FAM222B: variants seen among roughly 807,000 people sequenced by gnomAD.
FAM222B encodes the protein family with sequence similarity 222 member B, also known as protein FAM222B.
In FAM222B, 12 loss-of-function variants were observed where a neutral mutation model predicts 38.0. That is an observed-to-expected ratio of 0.32 (90% CI 0.20 to 0.51). The LOEUF is 0.51. Ranked by LOEUF, FAM222B falls within the 20% of genes least tolerant of loss-of-function variation. FAM222B has a pLI of 0.97. For missense variants in FAM222B, 716 were observed against 754.2 expected (o/e 0.95, Z 0.59); for synonymous variants, 329 against 317.2 (o/e 1.04, Z -0.40).
chr17:28,801,799 C>A (rs2037243537), intron 1 of FAM222B, among the ~76,000 whole-genome samples: 1 of 151,938 alleles, frequency 6.6e-6, no homozygotes, highest in Admixed American at 6.6e-5. Context: ...CTATCCTTTA[C>A]ATAATAAGAA....
At chr17:28,770,990 G>C (rs977936391) in intron 1 of FAM222B, among the ~76,000 whole-genome samples, 2 of 150,670 alleles carry the variant, frequency 1.3e-5, no homozygotes, top group African/African-American at 4.9e-5. Context: ...ATATATATGT[G>C]TGTGTATATA....
At position 28,758,600 on chromosome 17, in the gene FAM222B, C is replaced by T; in HGVS notation, c.1359G>A (p.Leu453=). The change falls in exon 3 of 3, where the codon CTG becomes CTA. Residue 453 remains leucine, a synonymous_variant. Transcript: ENST00000581407. ...AYPNGHYFQP[L]WNNILPTPNS... ...TGGGAGTGGGCAGAATGTTGTTCCA[C>T]AGGGGTTGGAAGTAGTGACCATTGG... 6.2e-7 allele frequency: 1 copy of T among 1,611,080 alleles called. No individual in the cohort carries two copies. The highest frequency in any genetic ancestry group is 8.5e-7 in the Non-Finnish European group (1 of 1,179,860).
Position 28,759,186 on chromosome 17 carries a change from T to TGCA in FAM222B, c.770_772dup (p.Leu257dup), listed in dbSNP as rs2151755822. On this transcript the variant is annotated inframe_insertion, in exon 3 of 3. Transcript: ENST00000581407. The surrounding 1 kb of genome is among the most constrained non-coding windows in gnomAD (Gnocchi z 4.8). Reference sequence around the variant, plus strand: ...ACTCAGGTCCGGAGGCTGGCTGTGCTGCAGAGTGGCCGCCATTGAAAGGGG... The same window carrying TGCA: ...ACTCAGGTCCGGAGGCTGGCTGTGCTGCAGCAGAGTGGCCGCCATTGAAAGGGG... The TGCA allele has an allele frequency of 6.2e-7, 1 of 1,613,254 alleles. No homozygotes were observed. Among genetic ancestry groups the TGCA allele is most frequent in the East Asian group, 2.2e-5 (1 of 44,848 alleles).
At chr17:28,801,674 G>GC (rs1372597434) in intron 1 of FAM222B, among the ~76,000 whole-genome samples, 1 of 152,000 alleles carries the variant, frequency 6.6e-6, no homozygotes, top group Admixed American at 6.6e-5. Context: ...GCTGGGTAAG[G>GC]CAGAGGGTCC....
intron 1 of FAM222B, among the ~76,000 whole-genome samples, chr17:28,835,848 A>C (rs573010991): frequency 1.8e-4 from 27 of 149,986 alleles, no homozygotes; most frequent in Admixed American, 1.0e-3. Context: ...ATTTTTTTTT[A>C]TTTTTTTGTA....
Position 28,781,384 on chromosome 17 carries a change from T to A in FAM222B, c.-40-14677A>T, listed in dbSNP as rs986565125. Reference sequence around the variant, plus strand: ...GGCTATTAAAATATATATATATATATAAATTGTTGGAGAGGATGTGGAGAA... The same window carrying A: ...GGCTATTAAAATATATATATATATAAAAATTGTTGGAGAGGATGTGGAGAA... On this transcript the variant is annotated intron_variant, in intron 1 of 2. Coordinates refer to ENST00000581407, the MANE Select transcript of FAM222B (RefSeq NM_001077498.3). 3.9e-5 allele frequency among the ~76,000 whole-genome samples: 6 copies of A among 151,920 alleles called. No individual in the cohort carries two copies. The South Asian group carries it at 6.2e-4, about 16-fold the overall frequency.
At chr17:28,762,476 A>G (rs1267006757) in intron 2 of FAM222B, among the ~76,000 whole-genome samples, 1 of 150,358 alleles carries the variant, frequency 6.7e-6, no homozygotes, top group African/African-American at 2.5e-5. Context: ...AAATACAAAA[A>G]ATTAGCCTGG....
Position 28,759,702 on chromosome 17 carries a change from T to C in FAM222B, c.257A>G (p.Gln86Arg), listed in dbSNP as rs1272298461. The change falls in exon 3 of 3, where the codon CAG (glutamine) becomes CGG (arginine). Residue 86 changes from glutamine (Q) to arginine (R), a missense_variant. Coordinates refer to ENST00000581407, the MANE Select transcript of FAM222B (RefSeq NM_001077498.3). This position sits in a 1 kb window ranked among gnomAD's most constrained non-coding sequence, Gnocchi z 4.8. ...CTGTGTCGGGTAGGGGCTGTAGCGC[T>C]GGGCTGATGTGTCGAGGCCGTTCAC... is the stretch of plus-strand genomic sequence containing the variant. ...RTVNGLDTSA[Q>R]RYSPYPTQAA... 1 of 1,613,642 alleles carries C rather than the reference T, an allele frequency of 6.2e-7. No homozygotes were observed.
rs182289906 is a variant in FAM222B, at chr17:28,789,999, T to C, written c.-40-23292A>G. On this transcript the variant is annotated intron_variant, in intron 1 of 2. Coordinates refer to ENST00000581407, the MANE Select transcript of FAM222B (RefSeq NM_001077498.3). ...CTACCATTGCCTGTAAGGTGTTAGT[T>C]TGGGGAGTATTTATCTGTCAACCTA... Among the ~76,000 whole-genome samples, 373 of 152,308 alleles carry C rather than the reference T, an allele frequency of 2.4e-3. 1 individual carries two copies. The highest frequency in any genetic ancestry group is 3.9e-3 in the Non-Finnish European group (265 of 68,022).
At chr17:28,780,338 C>T (rs185975703) in intron 1 of FAM222B, among the ~76,000 whole-genome samples, 264 of 152,160 alleles carry the variant, frequency 1.7e-3, no homozygotes, top group African/African-American at 6.3e-3. Context: ...TTTTCTCTGT[C>T]TGCAGATGAC....
At chr17:28,842,533 C>A (rs2039081499) in intron 1 of FAM222B, 149 bp downstream of exon 1, 1 of 152,700 alleles carries the variant, frequency 6.5e-6, no homozygotes. Context: ...GCCACCCGTG[C>A]CCCAAATTCT....
At chr17:28,849,675 GT>G (rs780418751) in intron 1 of FAM222B, 2 of 152,004 alleles carry the variant, frequency 1.3e-5, no homozygotes, top group Non-Finnish European at 2.9e-5. Flanking sequence ...ATTCCTAGAT[GT>G]TTTCTACATT....
intron 1 of FAM222B, among the ~76,000 whole-genome samples, chr17:28,813,615 C>T (rs1034142713): frequency 2.0e-5 from 3 of 151,844 alleles, no homozygotes; most frequent in Non-Finnish European, 4.4e-5. Flanking sequence ...CAAGCTCCGC[C>T]TCCCAGGTTC....
At position 28,848,414 on chromosome 17, in the gene FAM222B, A is replaced by G. The variant is rs1220008730; in HGVS notation, c.-41+6536T>C. On this transcript the variant is annotated intron_variant, in intron 1 of 2. Coordinates refer to the FAM222B transcript ENST00000577513. ...TTCTATGGATAACTATATTGTATATAATGAATTAATGATTGGCAGGGGAAA... is the reference window on the plus strand; with the variant it reads ...TTCTATGGATAACTATATTGTATATGATGAATTAATGATTGGCAGGGGAAA... Among the ~76,000 whole-genome samples the G allele has an allele frequency of 1.3e-5, 2 of 152,096 alleles. 1 individual carries two copies. The highest frequency in any genetic ancestry group is 2.9e-5 in the Non-Finnish European group (2 of 67,994).
chr17:28,766,715 G>T lies in FAM222B; in HGVS notation c.-40-8C>A, dbSNP rs1029025822. Reference sequence around the variant, plus strand: ...ATGGGGCAGTGGCTCACACTGTAATGAACAAAAACAAGGTCATGAAACACA... The same window carrying T: ...ATGGGGCAGTGGCTCACACTGTAATTAACAAAAACAAGGTCATGAAACACA... On this transcript the variant is annotated splice_region_variant and splice_polypyrimidine_tract_variant and intron_variant, in intron 1 of 2. Coordinates refer to ENST00000581407, the MANE Select transcript of FAM222B (RefSeq NM_001077498.3). 3.4e-6 allele frequency: 5 copies of T among 1,453,708 alleles called. No individual in the cohort carries two copies. Among genetic ancestry groups the T allele is most frequent in the African/African-American group, 1.4e-5 (1 of 71,506 alleles). The allele number at this position is 1,453,708 out of a possible 1,614,324, so 90.1% of individuals were successfully genotyped here.
In FAM222B at chr17:28,758,399, A is replaced by C. The variant is rs1416557351; in HGVS notation, c.1560T>G (p.Asp520Glu). The change falls in exon 3 of 3, where the codon GAT becomes GAG. Residue 520 changes from aspartate to glutamate, a missense_variant. Physicochemically the swap from Asp to Glu is conservative, Grantham distance 45 (BLOSUM62 2). Transcript: ENST00000581407. ...LMQTVDYLSG[D>E]FQQACFREQS... The stretch of plus-strand genomic sequence containing the variant: ...GTTCTCGGAAGCAGGCCTGTTGGAA[A>C]TCCCCACTTAGGTAATCCACTGTTT... The C allele has an allele frequency of 5.0e-6, 8 of 1,613,558 alleles. No individual in the cohort carries two copies. The highest frequency in any genetic ancestry group is 1.6e-4 in the Middle Eastern group (1 of 6,082).
chr17:28,778,086 T>C (rs1454504145), intron 1 of FAM222B, among the ~76,000 whole-genome samples: 1 of 151,842 alleles, frequency 6.6e-6, no homozygotes, highest in African/African-American at 2.4e-5. Flanking sequence ...TCTGTGTTTT[T>C]GCTTTTTTAT....
chr17:28,809,588 A>G (rs2037648319), intron 1 of FAM222B, among the ~76,000 whole-genome samples: 1 of 152,178 alleles, frequency 6.6e-6, no homozygotes, highest in South Asian at 2.1e-4. Context: ...TTAGTTCTAT[A>G]CATAGTCTTC....
chr17:28,758,605 G>T lies in FAM222B; in HGVS notation c.1354C>A (p.Pro452Thr), dbSNP rs767143093. ...GTGGGCAGAATGTTGTTCCACAGGG[G>T]TTGGAAGTAGTGACCATTGGGGTAG... ...LAYPNGHYFQ[P>T]LWNNILPTPN... is the part of the protein sequence containing the mutation. The change falls in exon 3 of 3, where the codon CCC becomes ACC. Residue 452 changes from proline to threonine, a missense_variant. Coordinates refer to ENST00000581407, the MANE Select transcript of FAM222B (RefSeq NM_001077498.3). 3.7e-6 allele frequency: 6 copies of T among 1,611,228 alleles called. No individual in the cohort carries two copies. The highest frequency in any genetic ancestry group is 1.1e-5 in the South Asian group (1 of 91,084).
Sources: gnomAD v4.1 joint callset for allele counts (sites outside exome capture counted in the v4.1 genomes callset) on GRCh38, gnomAD v4.1.1 for gene constraint, Gnocchi (gnomAD v3.1) non-coding constraint, MANE v1.5 for transcripts, NCBI Gene and HGNC (gene_info 2026-07-23, HGNC 2026-07-21) for gene names.